Variants in CAST observed in about 807,000 individuals in gnomAD.
CAST encodes the protein MIR583 host.
CAST carries 76 observed loss-of-function variants against 119.6 expected under a neutral mutation model. The ratio of observed to expected loss-of-function variants is 0.64; its 90% CI spans 0.53 to 0.77. The LOEUF is 0.77. Among genes scored for constraint, CAST ranks in the 30% least tolerant of loss-of-function variants. The pLI is 0.00. For synonymous variants in CAST, 319 were observed against 331.6 expected (o/e 0.96, Z 0.41); for missense variants, 953 against 946.5 (o/e 1.01, Z -0.09).
At chr5:96,492,565 T>A in the CAST span, among the ~76,000 whole-genome samples, 1 of 152,224 alleles carries the variant, frequency 6.6e-6, no homozygotes. Context: ...TCCTAGTTAT[T>A]TGAATCTTTG....
intron 1 of CAST, among the ~76,000 whole-genome samples, chr5:96,562,853 G>T (rs1746404949): frequency 6.6e-6 from 1 of 152,148 alleles, no homozygotes; most frequent in South Asian, 2.1e-4. Context: ...ATGTCTGACA[G>T]GATTCATGAT....
chr5:96,430,302 A>G, the CAST span, among the ~76,000 whole-genome samples: 1 of 152,246 alleles, frequency 6.6e-6, no homozygotes, highest in Admixed American at 6.5e-5. Flanking sequence ...CCTCTAGGTA[A>G]CCCTGCATTT....
the CAST span, among the ~76,000 whole-genome samples, chr5:96,254,379 CTAAAG>C: frequency 6.6e-6 from 1 of 152,088 alleles, no homozygotes; most frequent in Non-Finnish European, 1.5e-5. Context: ...AATCTAAAGA[CTAAAG>C]TAATTCACAA....
intron 1 of CAST, among the ~76,000 whole-genome samples, chr5:96,667,013 G>A (rs1346752965): frequency 1.3e-5 from 2 of 151,970 alleles, no homozygotes; most frequent in Admixed American, 1.3e-4. Flanking sequence ...TTCCTTTCAT[G>A]AAAACATACC....
At chr5:96,718,662 A>T (rs1757628191) in intron 3 of CAST, among the ~76,000 whole-genome samples, 1 of 152,176 alleles carries the variant, frequency 6.6e-6, no homozygotes, top group African/African-American at 2.4e-5. Context: ...GCCAACAAGG[A>T]GAGAACAGTC....
At chr5:96,511,401 C>T in the CAST span, among the ~76,000 whole-genome samples, 1 of 151,890 alleles carries the variant, frequency 6.6e-6, no homozygotes, top group Non-Finnish European at 1.5e-5. Context: ...CTCGGCCTCC[C>T]AAAGTGCTGG....
chr5:95,985,264 T>G, the CAST span, among the ~76,000 whole-genome samples: 1 of 152,206 alleles, frequency 6.6e-6, no homozygotes, highest in African/African-American at 2.4e-5. Context: ...CAGTGAGCTG[T>G]GTTTGTGCCA....
the CAST span, among the ~76,000 whole-genome samples, chr5:96,468,308 A>T: frequency 2.0e-5 from 3 of 152,064 alleles, no homozygotes; most frequent in Admixed American, 1.3e-4. Context: ...CAGGTGCGCT[A>T]AAATCTCAGA....
At chr5:96,661,678 A>C (rs977556072), upstream of CAST, among the ~76,000 whole-genome samples, 1 of 152,230 alleles carries the variant, frequency 6.6e-6, no homozygotes, top group Non-Finnish European at 1.5e-5. Flanking sequence ...CCAAGAAGAA[A>C]GCAATCTAGC....
chr5:96,261,049 CTCTT>C, the CAST span, among the ~76,000 whole-genome samples: 5 of 152,172 alleles, frequency 3.3e-5, no homozygotes, highest in Admixed American at 2.0e-4. Context: ...AGCATCTTCT[CTCTT>C]TTTTTGGTCC....
intron 1 of CAST, among the ~76,000 whole-genome samples, chr5:96,530,181 G>A (rs912252920): frequency 3.9e-5 from 6 of 152,150 alleles, no homozygotes; most frequent in African/African-American, 1.4e-4. Flanking sequence ...GAGGGAGGGA[G>A]GGAGGAAGGG....
the CAST span, among the ~76,000 whole-genome samples, chr5:96,056,139 T>C: frequency 3.9e-5 from 6 of 152,160 alleles, no homozygotes; most frequent in African/African-American, 1.4e-4. Flanking sequence ...CAGTTGGTTT[T>C]TGAAATTTTT....
intron 28 of CAST, 89 bp from the exon 29 acceptor site, chr5:96,767,818 C>A (rs981609948): frequency 1.6e-5 from 12 of 761,186 alleles, no homozygotes; most frequent in Admixed American, 9.2e-5. Flanking sequence ...ATAGAAACAT[C>A]TTTTATTTGT....
chr5:96,344,014 A>T, the CAST span, among the ~76,000 whole-genome samples: 4 of 152,198 alleles, frequency 2.6e-5, no homozygotes, highest in Non-Finnish European at 5.9e-5. Context: ...TAATGACTGA[A>T]GGAATTGGAT....
chr5:95,975,782 A>G, the CAST span, among the ~76,000 whole-genome samples: 1 of 152,162 alleles, frequency 6.6e-6, no homozygotes, highest in Non-Finnish European at 1.5e-5. Flanking sequence ...AGGGAGCTAG[A>G]CCAGGCATGG....
chr5:96,425,994 A>G, the CAST span: 1 of 893,148 alleles, frequency 1.1e-6, no homozygotes, highest in South Asian at 1.4e-5. Flanking sequence ...ACTTCCTCTA[A>G]CTATCTCCAG....
chr5:96,034,462 T>TACACACACACAC, the CAST span, among the ~76,000 whole-genome samples: 2,516 of 101,756 alleles, frequency 0.025, 100 homozygotes, highest in East Asian at 0.075. Flanking sequence ...GTATATATCA[T>TACACACACACAC]ACACACACAC....
chr5:96,094,287 G>A, the CAST span, among the ~76,000 whole-genome samples: 1 of 152,242 alleles, frequency 6.6e-6, no homozygotes, highest in African/African-American at 2.4e-5. Context: ...CAAAGATTTG[G>A]CATTGAGAGA....
At chr5:96,398,713 A>G in the CAST span, among the ~76,000 whole-genome samples, 19 of 152,234 alleles carry the variant, frequency 1.2e-4, no homozygotes, top group East Asian at 9.6e-4. Flanking sequence ...TGGGCAGGGC[A>G]GAGGGAGATC....
Sources: gnomAD v4.1 joint callset for allele counts (sites outside exome capture counted in the v4.1 genomes callset) on GRCh38, gnomAD v4.1.1 for gene constraint, MANE v1.5 for transcripts, NCBI Gene and HGNC (gene_info 2026-07-23, HGNC 2026-07-21) for gene names.